CHP2: variants seen among roughly 807,000 people sequenced by gnomAD.
The protein encoded by CHP2 is calcineurin like EF-hand protein 2.
In CHP2, 31 loss-of-function variants were observed where a neutral mutation model predicts 24.7. That is an observed-to-expected ratio of 1.26 (90% CI 0.94 to 1.69). CHP2 has a LOEUF of 1.69. Ranked by LOEUF, CHP2 falls within the 40% of genes most tolerant of loss-of-function variation. The pLI, the probability that CHP2 is intolerant of heterozygous loss-of-function variation, is 0.00. For synonymous variants in CHP2, 97 were observed against 99.1 expected (o/e 0.98, Z 0.13); for missense variants, 319 against 261.5 (o/e 1.22, Z -1.52).
In CHP2 at chr16:23,757,107, A is replaced by G. The variant is rs117307836; in HGVS notation, c.415-94A>G. Reference sequence around the variant, plus strand: ...TGAAGGATGGATTATAAAATTAGCAATAACTTTTGGGATGAGGTGGGCAAG... The same window carrying G: ...TGAAGGATGGATTATAAAATTAGCAGTAACTTTTGGGATGAGGTGGGCAAG... On this transcript the variant is annotated intron_variant, in intron 5 of 6. Transcript: ENST00000300113. 9,587 of 1,421,266 alleles carry G rather than the reference A, an allele frequency of 6.7e-3. 72 individuals are homozygous for G. Among genetic ancestry groups the G allele is most frequent in the Admixed American group, 0.025 (1,491 of 59,234 alleles). The allele number at this position is 1,421,266 out of a possible 1,614,324, so 88.0% of individuals were successfully genotyped here. A position where few individuals can be genotyped will look rare whatever the true frequency, so the allele number is the denominator to read the frequency against.
chr16:23,757,033 G>T (rs1331739527), intron 5 of CHP2, among the ~76,000 whole-genome samples, 168 bp from the exon 6 acceptor site: 1 of 142,916 alleles, frequency 7.0e-6, no homozygotes. Flanking sequence ...TAGGAGATTG[G>T]TTGTTGAAGC....
rs377386553 is a variant in CHP2 at position 23,755,914 on chromosome 16, T to G, written c.208T>G (p.Phe70Val). Residue 70 changes from phenylalanine to valine, a missense_variant, in exon 3 of 7, where the codon TTC (phenylalanine) becomes GTC (valine). Physicochemically the swap from Phe to Val is conservative, Grantham distance 50. Coordinates refer to ENST00000300113, the MANE Select transcript of CHP2 (RefSeq NM_022097.4). ...NPLGDRIIES[F>V]FPDGSQRVDF... The stretch of plus-strand genomic sequence containing the variant: ...CCTGGGAGACCGAATTATAGAAAGC[T>G]TCTTCCCCGATGGGTGAGGCTTGCT... 32 of 1,614,170 alleles carry G rather than the reference T, an allele frequency of 2.0e-5. No homozygotes were observed. Among genetic ancestry groups the G allele is most frequent in the Non-Finnish European group, 2.6e-5 (31 of 1,180,026 alleles).
Position 23,757,627 on chromosome 16 carries a change from T to G in CHP2, c.*44T>G, listed in dbSNP as rs371343275. On this transcript the variant is annotated 3_prime_UTR_variant, in exon 7 of 7. Transcript: ENST00000300113. ...CTTGCTCCTGCAACCAGTATCTCCT[T>G]GGAATTCATCCAAAGCCCCCATGGA... 1.7e-5 allele frequency: 26 copies of G among 1,556,298 alleles called. No homozygotes were observed. The African/African-American group carries it at 3.4e-4, about 20-fold the overall frequency.
rs745360205 is a variant in CHP2 at position 23,755,077 on chromosome 16, G to A, written c.28G>A (p.Val10Ile). The change falls in exon 1 of 7, where the codon GTC (valine) becomes ATC (isoleucine). Residue 10 changes from valine to isoleucine, a missense_variant. Transcript: ENST00000300113. MGSRSSHAA[V>I]IPDGDSIRRE... ...GGGGTCGCGCAGCTCCCACGCCGCG[G>A]TCATTCCCGACGGGGACAGTATTCG... is the stretch of plus-strand genomic sequence containing the variant. 2 of 1,600,256 alleles carry A rather than the reference G, an allele frequency of 1.2e-6. No homozygotes were observed. Among genetic ancestry groups the A allele is most frequent in the Admixed American group, 3.4e-5 (2 of 59,324 alleles).
chr16:23,755,559 C>G (rs781487049), intron 1 of CHP2, 102 bp from the exon 2 acceptor site: 3 of 1,018,126 alleles, frequency 2.9e-6, no homozygotes, highest in Non-Finnish European at 3.1e-6. Flanking sequence ...CCCCTTCCAG[C>G]CAGCCCCCGC....
chr16:23,757,457 C>A (rs1961241681), intron 6 of CHP2, 73 bp from the exon 7 acceptor site: 3 of 1,585,968 alleles, frequency 1.9e-6, no homozygotes, highest in Admixed American at 3.3e-5. Flanking sequence ...ATGGGTAGAA[C>A]CCTGGGGGAG....
rs1961260673 is a variant in CHP2, at chr16:23,758,733, A to G, written c.*1150A>G. On this transcript the variant is annotated 3_prime_UTR_variant, in exon 7 of 7. Coordinates refer to ENST00000300113, the MANE Select transcript of CHP2 (RefSeq NM_022097.4). ...GGTGAAAGGTGGTTGCTTAAAGGAAAATGAAATACAATTAGCAGAATAAGG... is the reference window on the plus strand; with the variant it reads ...GGTGAAAGGTGGTTGCTTAAAGGAAGATGAAATACAATTAGCAGAATAAGG... 6.6e-6 allele frequency: 1 copy of G among 152,242 alleles called. No individual in the cohort carries two copies. The highest frequency in any genetic ancestry group is 2.4e-5 in the African/African-American group (1 of 41,420). The allele number at this position is 152,242 out of a possible 1,614,324, so 9.4% of individuals were successfully genotyped here. A position where few individuals can be genotyped will look rare whatever the true frequency, so the allele number is the denominator to read the frequency against.
At chr16:23,755,594 G>C in intron 1 of CHP2, 67 bp from the exon 2 acceptor site, 3 of 1,395,082 alleles carry the variant, frequency 2.2e-6, no homozygotes, top group Non-Finnish European at 2.0e-6. Flanking sequence ...TTCCTGGCCT[G>C]TTGGGGCGGG....
chr16:23,755,938 C>T lies in CHP2; in HGVS notation c.221+11C>T. On this transcript the variant is annotated intron_variant, in intron 3 of 6. Coordinates refer to ENST00000300113, the MANE Select transcript of CHP2 (RefSeq NM_022097.4). ...CTTCTTCCCCGATGGGTGAGGCTTG[C>T]TGGGCGTGGGGAGGTGAAGGCGGGA... is the stretch of plus-strand genomic sequence containing the variant. 6.2e-7 allele frequency: 1 copy of T among 1,614,114 alleles called. No homozygotes were observed. Among genetic ancestry groups the T allele is most frequent in the Non-Finnish European group, 8.5e-7 (1 of 1,179,984 alleles).
In CHP2 at chr16:23,757,531, C is replaced by T. The variant is rs1332170564; in HGVS notation, c.539C>T (p.Ser180Phe). 1 of 1,613,796 alleles carries T rather than the reference C, an allele frequency of 6.2e-7. No individual in the cohort carries two copies. Among genetic ancestry groups the T allele is most frequent in the East Asian group, 2.2e-5 (1 of 44,892 alleles). The part of the protein sequence containing the change: ...GAVSFVEFTK[S>F]LEKMDVEQKM... ...GCCTGCCATTTGTTTTTCCCTCAGT[C>T]CTTAGAGAAGATGGACGTTGAGCAA... The change falls in exon 7 of 7, where the codon TCC (serine) becomes TTC (phenylalanine). Residue 180 changes from serine (S) to phenylalanine (F), a missense_variant and splice_region_variant. Coordinates refer to ENST00000300113, the MANE Select transcript of CHP2 (RefSeq NM_022097.4).
Position 23,758,458 on chromosome 16 carries a change from G to A in CHP2, c.*875G>A, listed in dbSNP as rs956437497. On this transcript the variant is annotated 3_prime_UTR_variant, in exon 7 of 7. Coordinates refer to ENST00000300113, the MANE Select transcript of CHP2 (RefSeq NM_022097.4). ...CCAGCTCAGCTTTTTCTGTCTGTAAGCCTGATTTTCAGGAAGGCTCTTTCC... is the reference window on the plus strand; with the variant it reads ...CCAGCTCAGCTTTTTCTGTCTGTAAACCTGATTTTCAGGAAGGCTCTTTCC... 8 of 152,322 alleles carry A rather than the reference G, an allele frequency of 5.3e-5. No individual in the cohort carries two copies. Among genetic ancestry groups the A allele is most frequent in the South Asian group, 4.1e-4 (2 of 4,824 alleles). 9.4% of individuals were successfully genotyped at this position (152,322 alleles called of 1,614,324 possible).
At chr16:23,755,329 G>C (rs1597177167) in intron 1 of CHP2, 1 of 594,932 alleles carries the variant, frequency 1.7e-6, no homozygotes, top group East Asian at 2.8e-5. Context: ...GGAGGATCCG[G>C]GTTCACGGGG....
rs754579930 is a variant in CHP2 at position 23,755,682 on chromosome 16, G to C, written c.89G>C (p.Arg30Pro). ...GCAGTCTCCCAAGCCAGCCTGCTCC[G>C]CCTGCACCACCGGTTCCGGGCACTG... is the stretch of plus-strand genomic sequence containing the variant. ...ETGFSQASLL[R>P]LHHRFRALDR... The change falls in exon 2 of 7, where the codon CGC becomes CCC. Residue 30 changes from arginine (R) to proline (P), a missense_variant. Transcript: ENST00000300113. 1 of 1,614,078 alleles carries C rather than the reference G, an allele frequency of 6.2e-7. No individual in the cohort carries two copies. The highest frequency in any genetic ancestry group is 8.5e-7 in the Non-Finnish European group (1 of 1,180,018).
At position 23,758,019 on chromosome 16, in the gene CHP2, T is replaced by A. The variant is rs1013252963; in HGVS notation, c.*436T>A. 1 of 269,754 alleles carries A rather than the reference T, an allele frequency of 3.7e-6. No homozygotes were observed. The highest frequency in any genetic ancestry group is 7.3e-6 in the Non-Finnish European group (1 of 137,834). The allele number at this position is 269,754 out of a possible 1,614,324, so 16.7% of individuals were successfully genotyped here. Reference sequence around the variant, plus strand: ...TCAGGCATTAGATTCTCATAAGGAGTGCACAATCTAGATCCTTTGGTGTGC... The same window carrying A: ...TCAGGCATTAGATTCTCATAAGGAGAGCACAATCTAGATCCTTTGGTGTGC... On this transcript the variant is annotated 3_prime_UTR_variant, in exon 7 of 7. Coordinates refer to ENST00000300113, the MANE Select transcript of CHP2 (RefSeq NM_022097.4).
Position 23,757,225 on chromosome 16 carries a change from C to G in CHP2, c.439C>G (p.Gln147Glu), listed in dbSNP as rs778291484. The G allele has an allele frequency of 1.2e-6, 2 of 1,614,042 alleles. No individual in the cohort carries two copies. Among genetic ancestry groups the G allele is most frequent in the Admixed American group, 3.3e-5 (2 of 60,006 alleles). ...LQVLRLMVGV[Q>E]VTEEQLENIA... ...GGTTCTCCGTCTGATGGTTGGGGTACAGGTGACAGAAGAGCAGCTGGAGAA... is the reference window on the plus strand; with the variant it reads ...GGTTCTCCGTCTGATGGTTGGGGTAGAGGTGACAGAAGAGCAGCTGGAGAA... Residue 147 changes from glutamine (Q) to glutamate (E), a missense_variant, in exon 6 of 7, where the codon CAG (glutamine) becomes GAG (glutamate). Physicochemically the swap from Gln to Glu is conservative, Grantham distance 29. Coordinates refer to ENST00000300113, the MANE Select transcript of CHP2 (RefSeq NM_022097.4).
Position 23,755,862 on chromosome 16 carries a change from G to A in CHP2, c.156G>A (p.Gln52=), listed in dbSNP as rs747857708. The part of the protein sequence containing the change: ...KKGYLSRMDL[Q]QIGALAVNPL... Reference sequence around the variant, plus strand: ...GGCTTTGCAGCCGCATGGATCTCCAGCAGATAGGGGCGCTCGCCGTGAACC... The same window carrying A: ...GGCTTTGCAGCCGCATGGATCTCCAACAGATAGGGGCGCTCGCCGTGAACC... The change falls in exon 3 of 7, where the codon CAG becomes CAA. Residue 52 remains glutamine, a synonymous_variant. Transcript: ENST00000300113. 2.2e-5 allele frequency: 36 copies of A among 1,614,074 alleles called. No individual in the cohort carries two copies. The highest frequency in any genetic ancestry group is 2.9e-5 in the Non-Finnish European group (34 of 1,180,054).
chr16:23,756,139 AC>A lies in CHP2; in HGVS notation c.301del (p.Gln101LysfsTer42), dbSNP rs1185595450. ...CCCTGTAGAAGATGAGGACACAGAA[AC>A]CCAAGACCCCAAGAAACCTGAACCT... ...FRPVEDEDTETQDPKKPEPLN... is the reference protein window; with the variant it reads ...FRPVEDEDTEXQDPKKPEPLN... On this transcript the variant is annotated frameshift_variant, in exon 4 of 7. Coordinates refer to ENST00000300113, the MANE Select transcript of CHP2 (RefSeq NM_022097.4). LOFTEE classifies it high-confidence loss of function. 7 of 1,614,042 alleles carry A rather than the reference AC, an allele frequency of 4.3e-6. No individual in the cohort carries two copies. Among genetic ancestry groups the A allele is most frequent in the Non-Finnish European group, 5.1e-6 (6 of 1,180,034 alleles).
At chr16:23,756,262 C>A in intron 4 of CHP2, 69 bp downstream of exon 4, 1 of 1,596,700 alleles carries the variant, frequency 6.3e-7, no homozygotes, top group Non-Finnish European at 8.6e-7. Flanking sequence ...CTCCAGGGAT[C>A]TCCCACTCCC....
chr16:23,755,677 G>T lies in CHP2; in HGVS notation c.84G>T (p.Leu28=). ...RRETGFSQAS[L]LRLHHRFRAL... ...TTCCCGCAGTCTCCCAAGCCAGCCT[G>T]CTCCGCCTGCACCACCGGTTCCGGG... Residue 28 remains leucine (L), a synonymous_variant, in exon 2 of 7, where the codon CTG becomes CTT. Coordinates refer to ENST00000300113, the MANE Select transcript of CHP2 (RefSeq NM_022097.4). 1 of 1,614,016 alleles carries T rather than the reference G, an allele frequency of 6.2e-7. No individual in the cohort carries two copies. Among genetic ancestry groups the T allele is most frequent in the Non-Finnish European group, 8.5e-7 (1 of 1,179,990 alleles).
Sources: gnomAD v4.1 joint callset for allele counts (sites outside exome capture counted in the v4.1 genomes callset) on GRCh38, gnomAD v4.1.1 for gene constraint, MANE v1.5 for transcripts, NCBI Gene and HGNC (gene_info 2026-07-23, HGNC 2026-07-21) for gene names.